The following ADCY10 variants were observed in gnomAD, a reference collection of about 807,000 sequenced individuals.
The protein encoded by ADCY10 is adenylate cyclase 10.
In ADCY10, 156 loss-of-function variants were observed where a neutral mutation model predicts 183.3. That is an observed-to-expected ratio of 0.85 (90% CI 0.75 to 0.97). The LOEUF (loss-of-function observed/expected upper bound fraction) is 0.97. Among genes scored for constraint, ADCY10 ranks in the 50% least tolerant of loss-of-function variants. ADCY10 has a pLI of 0.00. For missense variants in ADCY10, 1,745 were observed against 1,934.3 expected (o/e 0.90, Z 1.84); for synonymous variants, 645 against 670.0 (o/e 0.96, Z 0.58).
At chr1:167,884,502 C>G (rs779694727) in intron 8 of ADCY10, among the ~76,000 whole-genome samples, 6 of 152,030 alleles carry the variant, frequency 3.9e-5, no homozygotes, top group Admixed American at 3.9e-4. Flanking sequence ...GATACAAATC[C>G]AAACCATATC....
chr1:167,839,949 G>A (rs1664489761), intron 21 of ADCY10, among the ~76,000 whole-genome samples: 1 of 152,054 alleles, frequency 6.6e-6, no homozygotes, highest in Admixed American at 6.6e-5. Flanking sequence ...GCCAGGCACA[G>A]TGGCTCATCC....
At chr1:167,893,265 G>T (rs1418940076) in intron 8 of ADCY10, among the ~76,000 whole-genome samples, 1 of 152,142 alleles carries the variant, frequency 6.6e-6, no homozygotes, top group Non-Finnish European at 1.5e-5. Context: ...GTGCCCGCAT[G>T]TTCTTATATG....
chr1:167,859,691 C>T, intron 16 of ADCY10, 116 bp downstream of exon 16: 1 of 818,644 alleles, frequency 1.2e-6, no homozygotes, highest in Non-Finnish European at 2.2e-6. Context: ...AGGACAAAGC[C>T]TTCACATCCT....
intron 18 of ADCY10, among the ~76,000 whole-genome samples, chr1:167,853,197 C>A (rs203801): frequency 0.18 from 26,986 of 152,044 alleles, 2,448 homozygotes; most frequent in Middle Eastern, 0.27. Flanking sequence ...TAATACACGT[C>A]GTGCTTATAG....
intron 8 of ADCY10, among the ~76,000 whole-genome samples, chr1:167,891,655 CA>C (rs774084079): frequency 0.012 from 1,326 of 107,630 alleles, 11 homozygotes; most frequent in African/African-American, 0.034. Flanking sequence ...GACTCTGTCT[CA>C]AAAAAAAAAA....
intron 15 of ADCY10, 79 bp downstream of exon 15, chr1:167,860,792 C>T (rs1666228887): frequency 8.2e-7 from 1 of 1,224,990 alleles, no homozygotes; most frequent in South Asian, 1.2e-5. Context: ...CAAAGAGATG[C>T]TAAGTCACAA....
intron 9 of ADCY10, among the ~76,000 whole-genome samples, chr1:167,882,484 C>CAAAAAAAAAAA (rs71100909): frequency 1.4e-5 from 1 of 71,136 alleles, no homozygotes; most frequent in African/African-American, 5.0e-5. Context: ...GATTCCGTCT[C>CAAAAAAAAAAA]AAAAAAAAAA....
intron 9 of ADCY10, among the ~76,000 whole-genome samples, chr1:167,883,055 TGAGACG>T (rs1032687704): frequency 6.6e-5 from 10 of 152,242 alleles, no homozygotes; most frequent in African/African-American, 2.4e-4. Context: ...TTTGTTTAGT[TGAGACG>T]GAGTCTCACG....
At chr1:167,820,294 T>C (rs1662814183) in intron 30 of ADCY10, 1 of 1,299,034 alleles carries the variant, frequency 7.7e-7, no homozygotes, top group East Asian at 2.7e-5. Flanking sequence ...GCCGGCCGCC[T>C]AGCCAAGTCT....
rs1191184394 is a variant in ADCY10, at chr1:167,829,524, T to A, written c.3594-101A>T. ...GGTGTCCTCACTATGGGCCTGGGAA[T>A]CAAAACTGACTTGAATTTGAGGCCT... On this transcript the variant is annotated intron_variant, in intron 25 of 32. Transcript: ENST00000367851. 8 of 1,397,374 alleles carry A rather than the reference T, an allele frequency of 5.7e-6. No homozygotes were observed. The African/African-American group carries it at 9.9e-5, about 17-fold the overall frequency. 86.6% of individuals were successfully genotyped at this position (1,397,374 alleles called of 1,614,324 possible). A position where few individuals can be genotyped will look rare whatever the true frequency, so the allele number is the denominator to read the frequency against.
At chr1:167,850,946 C>T (rs1665435616) in intron 18 of ADCY10, among the ~76,000 whole-genome samples, 1 of 151,938 alleles carries the variant, frequency 6.6e-6, no homozygotes, top group Non-Finnish European at 1.5e-5. Flanking sequence ...TAGATAAATA[C>T]ATTAAAAGGA....
At chr1:167,896,091 G>T (rs1304932299) in intron 7 of ADCY10, among the ~76,000 whole-genome samples, 1 of 152,144 alleles carries the variant, frequency 6.6e-6, no homozygotes, top group Non-Finnish European at 1.5e-5. Flanking sequence ...GGTCCTTGGT[G>T]GCCTTGACAT....
intron 9 of ADCY10, among the ~76,000 whole-genome samples, chr1:167,882,851 C>G (rs529395571): frequency 3.9e-4 from 59 of 152,288 alleles, no homozygotes; most frequent in African/African-American, 1.3e-3. Flanking sequence ...GTATCCTAAT[C>G]TGTGTTTCAG....
At chr1:167,904,675 A>G (rs1248389304) in intron 2 of ADCY10, 20 of 591,314 alleles carry the variant, frequency 3.4e-5, no homozygotes, top group Middle Eastern at 4.4e-4. Context: ...CCTGAGGTCA[A>G]TTTTGACTGG....
At chr1:167,840,979 C>T (rs939690534) in intron 21 of ADCY10, among the ~76,000 whole-genome samples, 2 of 147,626 alleles carry the variant, frequency 1.4e-5, no homozygotes, top group African/African-American at 2.5e-5. Flanking sequence ...CTTGTTCTGT[C>T]GCTCAGGCTG....
chr1:167,848,487 A>T lies in ADCY10; in HGVS notation c.2311T>A (p.Tyr771Asn). ...TNRTWNNLFK[Y>N]SIKLTEKLNM... Reference sequence around the variant, plus strand: ...AACTTCTCTGTTAGCTTAATGGAATACTCTACAGGGGTATAAAAGGGAAGA... The same window carrying T: ...AACTTCTCTGTTAGCTTAATGGAATTCTCTACAGGGGTATAAAAGGGAAGA... Residue 771 changes from tyrosine to asparagine, a missense_variant and splice_region_variant, in exon 19 of 33, where the codon TAT becomes AAT. Coordinates refer to ENST00000367851, the MANE Select transcript of ADCY10 (RefSeq NM_018417.6). The T allele has an allele frequency of 6.2e-7, 1 of 1,613,544 alleles. No homozygotes were observed. The highest frequency in any genetic ancestry group is 8.5e-7 in the Non-Finnish European group (1 of 1,179,686).
At position 167,817,273 on chromosome 1, in the gene ADCY10, G is replaced by A. The variant is rs148874789; in HGVS notation, c.4482+799C>T. On this transcript the variant is annotated intron_variant, in intron 31 of 32. Coordinates refer to ENST00000367851, the MANE Select transcript of ADCY10 (RefSeq NM_018417.6). ...CCAGCTACTTGGGAGGCTGAGGTAC[G>A]AGAATTGTTTGAACCCGGGAGGCGG... Among the ~76,000 whole-genome samples, 80 of 152,342 alleles carry A rather than the reference G, an allele frequency of 5.3e-4. No individual in the cohort carries two copies. In the East Asian group the frequency reaches 0.012, roughly 24 times the overall value.
intron 13 of ADCY10, among the ~76,000 whole-genome samples, chr1:167,870,806 TAA>T (rs397940719): frequency 1.5e-4 from 19 of 128,974 alleles, no homozygotes; most frequent in Admixed American, 2.3e-4. Flanking sequence ...AAACTCCATC[TAA>T]AAAAAAAAAA....
chr1:167,870,222 G>A (rs748816429), intron 14 of ADCY10, 35 bp downstream of exon 14: 9 of 1,612,558 alleles, frequency 5.6e-6, no homozygotes, highest in Non-Finnish European at 7.6e-6. Context: ...AGGATTCTAT[G>A]GGTTCACACA....
Sources: allele counts gnomAD v4.1 joint callset (sites outside exome capture counted in the v4.1 genomes callset), GRCh38; gene constraint gnomAD v4.1.1; transcripts MANE v1.5; gene names NCBI Gene and HGNC (gene_info 2026-07-23, HGNC 2026-07-21).